Variants in MACROD2 observed in about 807,000 individuals in gnomAD.
MACROD2 encodes the protein ADP-ribose glycohydrolase MACROD2.
MACROD2 carries 36 observed loss-of-function variants against 70.4 expected under a neutral mutation model. The observed-to-expected ratio is 0.51, with a 90% CI of 0.39 to 0.68. MACROD2 has a LOEUF of 0.68. Ranked by LOEUF, MACROD2 falls within the 30% of genes least tolerant of loss-of-function variation. MACROD2 has a pLI of 0.00. For missense variants in MACROD2, 496 were observed against 538.4 expected, an observed-to-expected ratio of 0.92 and a Z score of 0.78; for synonymous variants, 172 against 178.8, an observed-to-expected ratio of 0.96 and a Z score of 0.30.
intron 4 of MACROD2, among the ~76,000 whole-genome samples, chr20:14,652,048 A>T (rs540776436): frequency 6.6e-6 from 1 of 152,332 alleles, no homozygotes. Flanking sequence ...TATTTGACAG[A>T]TATCAAGGCA....
rs576381411 is a variant in MACROD2 at position 15,016,256 on chromosome 20, G to A, written c.419-213684G>A. On this transcript the variant is annotated intron_variant, in intron 5 of 17. Transcript: ENST00000684519. ...AGAAATGATGAAAATACAATCACAT[G>A]TTATGGGTGGAGGACAGCAGGGTGC... 1.2e-4 allele frequency among the ~76,000 whole-genome samples: 18 copies of A among 152,288 alleles called. 1 individual carries two copies. Among genetic ancestry groups the A allele is most frequent in the South Asian group, 2.1e-4 (1 of 4,828 alleles).
At chr20:15,929,146 T>C (rs573791794) in intron 10 of MACROD2, among the ~76,000 whole-genome samples, 72 of 152,238 alleles carry the variant, frequency 4.7e-4, no homozygotes, top group African/African-American at 1.6e-3. Context: ...AGTGGGGTGG[T>C]TCTACTGCAA....
chr20:14,862,028 T>A (rs1334538532), intron 5 of MACROD2, among the ~76,000 whole-genome samples: 1 of 25,672 alleles, frequency 3.9e-5, no homozygotes, highest in Non-Finnish European at 6.6e-5. Context: ...TTTATATATA[T>A]TTATATATAT....
intron 6 of MACROD2, among the ~76,000 whole-genome samples, chr20:15,273,663 G>A (rs559051614): frequency 1.3e-5 from 2 of 152,250 alleles, no homozygotes; most frequent in African/African-American, 4.8e-5. Context: ...GGGTAGCTAA[G>A]GTGACTGAAT....
At chr20:14,511,795 G>A (rs145173800) in intron 4 of MACROD2, among the ~76,000 whole-genome samples, 1 of 151,910 alleles carries the variant, frequency 6.6e-6, no homozygotes. Context: ...TTACATGTGT[G>A]ATTTAGTAAT....
intron 4 of MACROD2, among the ~76,000 whole-genome samples, chr20:14,590,157 C>T (rs1220929938): frequency 6.6e-6 from 1 of 152,054 alleles, no homozygotes; most frequent in Non-Finnish European, 1.5e-5. Flanking sequence ...ACATATGTTA[C>T]CCAAACTGGA....
intron 8 of MACROD2, among the ~76,000 whole-genome samples, chr20:15,708,034 A>G (rs2050562779): frequency 6.6e-6 from 1 of 151,900 alleles, no homozygotes; most frequent in Non-Finnish European, 1.5e-5. Context: ...GAAGCAGAAA[A>G]TGCAGTGGTC....
At chr20:14,246,273 C>T (rs2081967618) in intron 3 of MACROD2, among the ~76,000 whole-genome samples, 2 of 152,162 alleles carry the variant, frequency 1.3e-5, no homozygotes, top group African/African-American at 4.8e-5. Flanking sequence ...GCTCTGAGGA[C>T]AATCAGGATA....
intron 3 of MACROD2, among the ~76,000 whole-genome samples, chr20:14,116,482 G>A (rs1325140103): frequency 6.6e-6 from 1 of 152,052 alleles, no homozygotes; most frequent in Non-Finnish European, 1.5e-5. Context: ...TAGACTTAGA[G>A]GATTTTGTAC....
intron 8 of MACROD2, among the ~76,000 whole-genome samples, chr20:15,584,077 C>T (rs1267654828): frequency 6.6e-6 from 1 of 152,216 alleles, no homozygotes; most frequent in Non-Finnish European, 1.5e-5. Flanking sequence ...CCTAAAGAGT[C>T]TTCCAAACGA....
chr20:14,949,688 C>T (rs1250473585), intron 5 of MACROD2, among the ~76,000 whole-genome samples: 1 of 152,142 alleles, frequency 6.6e-6, no homozygotes, highest in African/African-American at 2.4e-5. Flanking sequence ...TCATGGTTTT[C>T]TTTCCATATG....
chr20:14,960,036 A>C (rs1186530007), intron 5 of MACROD2, among the ~76,000 whole-genome samples: 1 of 152,192 alleles, frequency 6.6e-6, no homozygotes, highest in East Asian at 1.9e-4. Context: ...CCTCCTGTAC[A>C]AATTCTCTTC....
intron 5 of MACROD2, among the ~76,000 whole-genome samples, chr20:15,111,326 C>G (rs1568579102): frequency 6.6e-6 from 1 of 151,958 alleles, no homozygotes; most frequent in Non-Finnish European, 1.5e-5. Flanking sequence ...GTGCCTGCCA[C>G]TGCACCTGGC....
Position 14,661,477 on chromosome 20 carries a change from A to C in MACROD2, c.302-23366A>C, listed in dbSNP as rs189947499. Among the ~76,000 whole-genome samples, 3 of 152,198 alleles carry C rather than the reference A, an allele frequency of 2.0e-5. No homozygotes were observed. The East Asian group carries it at 5.8e-4, about 29-fold the overall frequency. ...ACCTTTATCACATGCATACTTTGCA[A>C]ATATTTTCTCCCATTCTATAGGTTG... On this transcript the variant is annotated intron_variant, in intron 4 of 17. Transcript: ENST00000684519.
intron 16 of MACROD2, among the ~76,000 whole-genome samples, chr20:16,041,489 A>G (rs997252042): frequency 6.6e-6 from 1 of 152,060 alleles, no homozygotes; most frequent in Non-Finnish European, 1.5e-5. Flanking sequence ...TTAAAACAGC[A>G]TATGTCCTGG....
chr20:15,285,120 G>C (rs560758716), intron 6 of MACROD2, among the ~76,000 whole-genome samples: 6 of 152,272 alleles, frequency 3.9e-5, no homozygotes, highest in Non-Finnish European at 7.4e-5. Context: ...TCACACTGGA[G>C]TATTAGTTAA....
At chr20:14,093,673 A>G (rs1420658824) in intron 3 of MACROD2, among the ~76,000 whole-genome samples, 1 of 151,832 alleles carries the variant, frequency 6.6e-6, no homozygotes, top group African/African-American at 2.4e-5. Flanking sequence ...TTTGACAAAA[A>G]AAAAAAACCC....
At chr20:15,851,887 G>C (rs1284128407) in intron 8 of MACROD2, among the ~76,000 whole-genome samples, 1 of 152,172 alleles carries the variant, frequency 6.6e-6, no homozygotes, top group African/African-American at 2.4e-5. Context: ...AGGATGATGT[G>C]CATTGTCCTG....
chr20:14,120,474 A>T (rs1398452011), intron 3 of MACROD2, among the ~76,000 whole-genome samples: 2 of 151,974 alleles, frequency 1.3e-5, no homozygotes, highest in African/African-American at 4.8e-5. Context: ...TTATTCCACA[A>T]GGATCTAGAA....
Sources: allele counts gnomAD v4.1 joint callset (sites outside exome capture counted in the v4.1 genomes callset), GRCh38; gene constraint gnomAD v4.1.1; transcripts MANE v1.5; gene names NCBI Gene and HGNC (gene_info 2026-07-23, HGNC 2026-07-21).